NREP: variants seen among roughly 807,000 people sequenced by gnomAD.
The protein encoded by NREP is neuronal regeneration related protein.
Under a neutral mutation model 8.6 loss-of-function variants are expected in NREP, and 5 were observed. The ratio of observed to expected loss-of-function variants is 0.58; its 90% CI spans 0.30 to 1.22. The LOEUF (loss-of-function observed/expected upper bound fraction) is 1.22. Ranked by LOEUF, NREP falls within the 50% of genes most tolerant of loss-of-function variation. NREP has a pLI of 0.07. For missense variants in NREP, 86 were observed against 82.5 expected (o/e 1.04, Z -0.17); for synonymous variants, 27 against 28.0 (o/e 0.96, Z 0.11).
At chr5:111,895,296 G>C (rs1001687878) in intron 2 of NREP, among the ~76,000 whole-genome samples, 4 of 152,174 alleles carry the variant, frequency 2.6e-5, no homozygotes, top group African/African-American at 9.7e-5. Flanking sequence ...GAACGGGGAA[G>C]GGACAGACAA....
chr5:111,859,173 TAG>T (rs1158846373), intron 2 of NREP, among the ~76,000 whole-genome samples: 1 of 152,154 alleles, frequency 6.6e-6, no homozygotes, highest in Non-Finnish European at 1.5e-5. Context: ...CTTACACAGC[TAG>T]CTCCTTGTCT....
intron 3 of NREP, chr5:111,733,472 C>A (rs1748800136): frequency 6.6e-6 from 1 of 151,834 alleles, no homozygotes; most frequent in South Asian, 2.1e-4. Flanking sequence ...CTTCCCCTGA[C>A]TGATTTCAAT....
chr5:111,742,449 T>G (rs534910076), intron 2 of NREP, among the ~76,000 whole-genome samples: 4 of 152,256 alleles, frequency 2.6e-5, no homozygotes, highest in African/African-American at 7.2e-5. Flanking sequence ...TGTTTACATG[T>G]GAAATTAATC....
At chr5:111,786,890 A>G (rs1322732706) in intron 2 of NREP, among the ~76,000 whole-genome samples, 1 of 152,150 alleles carries the variant, frequency 6.6e-6, no homozygotes, top group African/African-American at 2.4e-5. Flanking sequence ...TGGGCAGATT[A>G]TTTTTGCCTT....
chr5:111,920,021 A>T (rs1755193549), intron 2 of NREP, among the ~76,000 whole-genome samples: 1 of 145,314 alleles, frequency 6.9e-6, no homozygotes, highest in African/African-American at 2.5e-5. Flanking sequence ...GCTCATATGA[A>T]GTTTTCTTCC....
chr5:111,881,765 A>C (rs1012536390), intron 2 of NREP, among the ~76,000 whole-genome samples: 7 of 152,326 alleles, frequency 4.6e-5, no homozygotes, highest in Non-Finnish European at 8.8e-5. Flanking sequence ...CCTGCAGCTG[A>C]GGGTCCTGTC....
intron 2 of NREP, among the ~76,000 whole-genome samples, chr5:111,919,077 G>A (rs767900005): frequency 6.6e-5 from 10 of 151,588 alleles, no homozygotes; most frequent in African/African-American, 2.2e-4. Flanking sequence ...TGAAGGATAC[G>A]AACGGACACT....
chr5:111,846,925 TATTGATCAA>T (rs1753190405), intron 2 of NREP, among the ~76,000 whole-genome samples: 3 of 152,174 alleles, frequency 2.0e-5, no homozygotes, highest in Non-Finnish European at 4.4e-5. Flanking sequence ...TTCATTCACG[TATTGATCAA>T]TCTAACGTTT....
chr5:111,934,962 A>G (rs2112605397), intron 2 of NREP, among the ~76,000 whole-genome samples: 1 of 150,834 alleles, frequency 6.6e-6, no homozygotes, highest in East Asian at 2.0e-4. Flanking sequence ...TTCTGGATCC[A>G]GATCCGAAAC....
intron 2 of NREP, among the ~76,000 whole-genome samples, chr5:111,768,083 T>C (rs867849608): frequency 6.6e-6 from 1 of 152,306 alleles, no homozygotes; most frequent in South Asian, 2.1e-4. Flanking sequence ...AAAAGAAATC[T>C]ATAGGATAAT....
At chr5:111,833,330 T>A (rs1752818855) in intron 2 of NREP, among the ~76,000 whole-genome samples, 1 of 152,208 alleles carries the variant, frequency 6.6e-6, no homozygotes, top group Admixed American at 6.5e-5. Context: ...AAAATGTTTT[T>A]CTGACTTTAC....
intron 2 of NREP, among the ~76,000 whole-genome samples, chr5:111,969,815 G>T (rs1379981693): frequency 6.6e-6 from 1 of 152,110 alleles, no homozygotes; most frequent in Non-Finnish European, 1.5e-5. Context: ...AGATTCTACA[G>T]CTTGAGTATC....
intron 2 of NREP, among the ~76,000 whole-genome samples, chr5:111,857,792 A>C (rs985661515): frequency 1.3e-5 from 2 of 152,164 alleles, no homozygotes; most frequent in African/African-American, 4.8e-5. Flanking sequence ...TAAATGAGAA[A>C]ATAAATGGAT....
intron 2 of NREP, among the ~76,000 whole-genome samples, chr5:111,861,821 C>G (rs1324276133): frequency 6.6e-6 from 1 of 151,994 alleles, no homozygotes; most frequent in East Asian, 1.9e-4. Flanking sequence ...CCACAAAAAG[C>G]TTTTAATAAC....
rs576410615 is a variant in NREP, at chr5:111,892,584, A to G, written c.135+82690T>C. On this transcript the variant is annotated intron_variant, in intron 2 of 3. Coordinates refer to the NREP transcript ENST00000395634. ...AATAAAGGGACATTATGATACATTG[A>G]AAAAGTTTAACTTGTTCTATATTTT... 3.3e-5 allele frequency among the ~76,000 whole-genome samples: 5 copies of G among 152,260 alleles called. No homozygotes were observed. The East Asian group carries it at 5.8e-4, about 18-fold the overall frequency.
At chr5:111,837,863 G>A (rs934094607) in intron 2 of NREP, among the ~76,000 whole-genome samples, 2 of 152,006 alleles carry the variant, frequency 1.3e-5, no homozygotes, top group East Asian at 1.9e-4. Context: ...GAATCAGAGG[G>A]TCGTCACCTC....
At chr5:111,923,577 T>C (rs1386630123) in intron 2 of NREP, among the ~76,000 whole-genome samples, 2 of 152,180 alleles carry the variant, frequency 1.3e-5, no homozygotes, top group Non-Finnish European at 2.9e-5. Flanking sequence ...TGCCACATTA[T>C]GTGGGGTATA....
chr5:111,759,899 G>A (rs1369464603), upstream of NREP, among the ~76,000 whole-genome samples: 2 of 152,010 alleles, frequency 1.3e-5, no homozygotes, highest in Non-Finnish European at 2.9e-5. Flanking sequence ...GCTCCATTAC[G>A]GGATAAAGGC....
intron 2 of NREP, among the ~76,000 whole-genome samples, chr5:111,870,108 A>C (rs1487606611): frequency 1.3e-5 from 2 of 152,166 alleles, no homozygotes; most frequent in Non-Finnish European, 2.9e-5. Context: ...TCCATGAACA[A>C]CTAAGGCTTT....
Sources: gnomAD v4.1 joint callset for allele counts (sites outside exome capture counted in the v4.1 genomes callset) on GRCh38, gnomAD v4.1.1 for gene constraint, MANE v1.5 for transcripts, NCBI Gene and HGNC (gene_info 2026-07-23, HGNC 2026-07-21) for gene names.